The following ALK variants were observed in gnomAD, a reference collection of about 807,000 sequenced individuals.
ALK encodes the protein ALK tyrosine kinase receptor.
Under a neutral mutation model 163.1 loss-of-function variants are expected in ALK, and 74 were observed. That is an observed-to-expected ratio of 0.45 (90% CI 0.38 to 0.55). The LOEUF (loss-of-function observed/expected upper bound fraction) is 0.55. Among genes scored for constraint, ALK ranks in the 20% least tolerant of loss-of-function variants. ALK has a pLI of 0.00. For synonymous variants in ALK, 960 were observed against 843.2 expected (o/e 1.14, Z -2.40); for missense variants, 2,063 against 2,105.3 (o/e 0.98, Z 0.39).
intron 1 of ALK, among the ~76,000 whole-genome samples, chr2:29,778,316 G>A (rs569274356): frequency 6.6e-6 from 1 of 152,304 alleles, no homozygotes; most frequent in Non-Finnish European, 1.5e-5. Context: ...TCATATGTGA[G>A]GATAAAAGAC....
At chr2:29,465,003 A>T (rs935049698) in intron 4 of ALK, among the ~76,000 whole-genome samples, 1 of 152,230 alleles carries the variant, frequency 6.6e-6, no homozygotes, top group Non-Finnish European at 1.5e-5. Flanking sequence ...AAGGGAGGAT[A>T]ACTCTTTGAA....
chr2:29,322,987 G>A (rs892181178), intron 6 of ALK, among the ~76,000 whole-genome samples: 25 of 152,298 alleles, frequency 1.6e-4, no homozygotes, highest in Admixed American at 1.4e-3. Flanking sequence ...GGAGGCAGAG[G>A]GAGAGAACTG....
At chr2:29,293,282 A>C (rs184101813) in intron 9 of ALK, among the ~76,000 whole-genome samples, 34 of 152,366 alleles carry the variant, frequency 2.2e-4, no homozygotes, top group Middle Eastern at 3.4e-3. Context: ...CTGGAATTTG[A>C]AAGTATATGC....
intron 22 of ALK, 26 bp from the exon 23 acceptor site, chr2:29,220,861 A>G (rs1382555465): frequency 6.2e-7 from 1 of 1,613,652 alleles, no homozygotes; most frequent in Admixed American, 1.7e-5. Context: ...GGATGTAACC[A>G]AAATTAACTG....
At chr2:29,831,837 G>C (rs1014377135) in intron 1 of ALK, among the ~76,000 whole-genome samples, 1 of 152,180 alleles carries the variant, frequency 6.6e-6, no homozygotes, top group African/African-American at 2.4e-5. Flanking sequence ...GTGAGTGCAA[G>C]ACATTATTTG....
chr2:29,358,125 C>A (rs544543051), intron 5 of ALK, among the ~76,000 whole-genome samples: 1 of 152,328 alleles, frequency 6.6e-6, no homozygotes, highest in South Asian at 2.1e-4. Context: ...CAATATGGTA[C>A]TGAGTTTGTC....
chr2:29,743,423 G>A (rs1338045666), intron 1 of ALK, among the ~76,000 whole-genome samples: 1 of 152,124 alleles, frequency 6.6e-6, no homozygotes, highest in Non-Finnish European at 1.5e-5. Context: ...CACCTTGGTG[G>A]TATAAAATTA....
chr2:29,810,237 C>T (rs1664720117), intron 1 of ALK, among the ~76,000 whole-genome samples: 1 of 152,014 alleles, frequency 6.6e-6, no homozygotes, highest in Admixed American at 6.5e-5. Flanking sequence ...GCCTGGCCAA[C>T]AGGGTGATAC....
At chr2:29,732,478 G>A (rs1261057155) in intron 1 of ALK, among the ~76,000 whole-genome samples, 1 of 152,186 alleles carries the variant, frequency 6.6e-6, no homozygotes, top group Non-Finnish European at 1.5e-5. Flanking sequence ...CCTGCCTGAG[G>A]TAAATAGCAA....
At chr2:29,526,654 A>C (rs1033155230) in intron 4 of ALK, among the ~76,000 whole-genome samples, 4 of 152,202 alleles carry the variant, frequency 2.6e-5, no homozygotes, top group African/African-American at 9.6e-5. Context: ...AGTTTCAATA[A>C]ATGATCACCT....
chr2:29,862,895 T>C (rs1163146863), intron 1 of ALK, among the ~76,000 whole-genome samples: 2 of 150,968 alleles, frequency 1.3e-5, no homozygotes, highest in African/African-American at 4.9e-5. Context: ...AATCAAAACA[T>C]CATACTGGCA....
rs2148159578 is a variant in ALK at position 29,214,075 on chromosome 2, G to C, written c.3652C>G (p.Pro1218Ala). 1 of 1,613,882 alleles carries C rather than the reference G, an allele frequency of 6.2e-7. No individual in the cohort carries two copies. Among genetic ancestry groups the C allele is most frequent in the Non-Finnish European group, 8.5e-7 (1 of 1,179,788 alleles). The part of the protein sequence containing the change: ...LRETRPRPSQ[P>A]SSLAMLDLLH... Reference sequence around the variant, plus strand: ...AGGTCCAGCATGGCCAGGGAGGAGGGCTGGCTCTGTGGGGAGACAGAAGCG... The same window carrying C: ...AGGTCCAGCATGGCCAGGGAGGAGGCCTGGCTCTGTGGGGAGACAGAAGCG... The change falls in exon 24 of 29, where the codon CCC becomes GCC. Residue 1218 changes from proline to alanine, a missense_variant. This residue lies in a region of ALK where 575 missense variants were observed against 626.6 expected (regional missense o/e 0.92). Transcript: ENST00000389048.
chr2:29,268,295 A>T (rs1287064148), intron 11 of ALK, among the ~76,000 whole-genome samples: 2 of 152,158 alleles, frequency 1.3e-5, no homozygotes, highest in East Asian at 3.9e-4. Context: ...ATCTCACAGG[A>T]CACATTTTGA....
intron 9 of ALK, among the ~76,000 whole-genome samples, chr2:29,294,871 C>T (rs902314702): frequency 6.6e-6 from 1 of 152,186 alleles, no homozygotes; most frequent in African/African-American, 2.4e-5. Flanking sequence ...TAGAGTGCTT[C>T]TTTGGTTTCT....
chr2:29,867,338 G>C (rs889222857), intron 1 of ALK, among the ~76,000 whole-genome samples: 2 of 152,176 alleles, frequency 1.3e-5, no homozygotes, highest in Non-Finnish European at 2.9e-5. Flanking sequence ...CGAAGGTAGC[G>C]AGAGTAGAAG....
intron 4 of ALK, among the ~76,000 whole-genome samples, chr2:29,508,118 T>A (rs1242233168): frequency 6.6e-6 from 1 of 152,034 alleles, no homozygotes; most frequent in Non-Finnish European, 1.5e-5. Flanking sequence ...CCCTACAGGG[T>A]CTGGCTGGCT....
At chr2:29,858,099 T>C (rs754684953) in intron 1 of ALK, among the ~76,000 whole-genome samples, 6 of 152,066 alleles carry the variant, frequency 3.9e-5, no homozygotes, top group African/African-American at 1.2e-4. Context: ...CTTAGTTCTA[T>C]GCAATTTTAT....
intron 1 of ALK, among the ~76,000 whole-genome samples, chr2:29,830,748 A>ACC (rs1558508019): frequency 9.2e-6 from 1 of 108,914 alleles, no homozygotes; most frequent in African/African-American, 3.4e-5. Flanking sequence ...AAAAAAAAAA[A>ACC]AAAAACTTAG....
chr2:29,824,588 T>C (rs929534912), intron 1 of ALK, among the ~76,000 whole-genome samples: 1 of 152,224 alleles, frequency 6.6e-6, no homozygotes, highest in Non-Finnish European at 1.5e-5. Context: ...GGAGATCATT[T>C]TGGAGATTTA....
Sources: gnomAD v4.1 joint callset for allele counts (sites outside exome capture counted in the v4.1 genomes callset) on GRCh38, gnomAD v4.1.1 for gene constraint, gnomAD v4.1.1 regional missense constraint, MANE v1.5 for transcripts, NCBI Gene and HGNC (gene_info 2026-07-23, HGNC 2026-07-21) for gene names.